The following ZMPSTE24 variants were observed in gnomAD, a reference collection of about 807,000 sequenced individuals.
The protein encoded by ZMPSTE24 is zinc metallopeptidase STE24, also known as CAAX prenyl protease 1 homolog.
ZMPSTE24 carries 48 observed loss-of-function variants against 56.7 expected under a neutral mutation model. The observed-to-expected ratio is 0.85, with a 90% confidence interval of 0.67 to 1.08. ZMPSTE24 has a LOEUF of 1.08. ZMPSTE24 is among the 50% of genes least tolerant of loss of function. The probability of loss-of-function intolerance (pLI) is 0.00; values close to 1 mark genes in which losing one functional copy is unlikely to be tolerated. For missense variants in ZMPSTE24, 503 were observed against 548.7 expected (o/e 0.92, Z 0.83); for synonymous variants, 172 against 195.2 (o/e 0.88, Z 0.99).
Position 40,258,538 on chromosome 1 carries a change from G to C in ZMPSTE24, c.123+144G>C, listed in dbSNP as rs1198840875. 6.9e-6 allele frequency: 10 copies of C among 1,441,194 alleles called. No homozygotes were observed. The East Asian group carries it at 1.9e-4, about 28-fold the overall frequency. The allele number at this position is 1,441,194 out of a possible 1,614,324, so 89.3% of individuals were successfully genotyped here. A position where few individuals can be genotyped will look rare whatever the true frequency, so the allele number is the denominator to read the frequency against. On this transcript the variant is annotated intron_variant, in intron 1 of 9. Transcript: ENST00000372759. ...CCTGCTGAGTCTCGTAACTTGGCCCGATGGCGGACTGTGGCTTTGAGGAGG... is the reference window on the plus strand; with the variant it reads ...CCTGCTGAGTCTCGTAACTTGGCCCCATGGCGGACTGTGGCTTTGAGGAGG...
At chr1:40,265,408 G>A (rs1643538855) in intron 2 of ZMPSTE24, among the ~76,000 whole-genome samples, 1 of 152,142 alleles carries the variant, frequency 6.6e-6, no homozygotes, top group Non-Finnish European at 1.5e-5. Context: ...AGTGTTAGGG[G>A]AGCCTTTTGA....
intron 9 of ZMPSTE24, 76 bp from the exon 10 acceptor site, chr1:40,292,367 TAC>T: frequency 7.1e-7 from 1 of 1,414,736 alleles, no homozygotes; most frequent in Non-Finnish European, 1.0e-6. Flanking sequence ...CAAACTTCTC[TAC>T]AGTCTCAGCT....
In ZMPSTE24 at chr1:40,288,430, C is replaced by T. The variant is rs374563033; in HGVS notation, c.1059+2401C>T. 7.9e-5 allele frequency among the ~76,000 whole-genome samples: 12 copies of T among 152,332 alleles called. 1 individual carries two copies. Among genetic ancestry groups the T allele is most frequent in the East Asian group, 3.9e-4 (2 of 5,184 alleles). ...GGGTTCCAATGGAATCAGCCTACCACAAGGTGGCTAAATGGTCCCTGAGAT... is the reference window on the plus strand; with the variant it reads ...GGGTTCCAATGGAATCAGCCTACCATAAGGTGGCTAAATGGTCCCTGAGAT... On this transcript the variant is annotated intron_variant, in intron 8 of 9. Transcript: ENST00000372759.
In ZMPSTE24 at chr1:40,271,949, C is replaced by G. The variant is rs751085566; in HGVS notation, c.683C>G (p.Pro228Arg). Residue 228 changes from proline to arginine, a missense_variant, in exon 6 of 10, where the codon CCT becomes CGT. Physicochemically the swap from Pro to Arg is moderately radical, Grantham distance 103. Transcript: ENST00000372759. ...YIAPLFDKFT[P>R]LPEGKLKEEI... ...GCCCCTTTATTTGACAAATTCACACCTCTGCCTGAGGGAAAGCTTAAAGAA... is the reference window on the plus strand; with the variant it reads ...GCCCCTTTATTTGACAAATTCACACGTCTGCCTGAGGGAAAGCTTAAAGAA... 1 of 1,613,626 alleles carries G rather than the reference C, an allele frequency of 6.2e-7. No individual in the cohort carries two copies. Among genetic ancestry groups the G allele is most frequent in the Non-Finnish European group, 8.5e-7 (1 of 1,179,724 alleles).
At chr1:40,266,846 C>T (rs1643554439) in intron 2 of ZMPSTE24, among the ~76,000 whole-genome samples, 1 of 142,968 alleles carries the variant, frequency 7.0e-6, no homozygotes, top group Admixed American at 7.3e-5. Context: ...TGGCCCACTG[C>T]AGCCTCGACA....
intron 7 of ZMPSTE24, among the ~76,000 whole-genome samples, chr1:40,283,171 C>G (rs1444340058): frequency 5.3e-5 from 8 of 151,992 alleles, no homozygotes; most frequent in Admixed American, 5.2e-4. Context: ...AAAGAATAAC[C>G]CAGTGATAAC....
chr1:40,285,844 C>A lies in ZMPSTE24; in HGVS notation c.955-81C>A, dbSNP rs1413015725. On this transcript the variant is annotated intron_variant, in intron 7 of 9. Coordinates refer to ENST00000372759, the MANE Select transcript of ZMPSTE24 (RefSeq NM_005857.5). The stretch of plus-strand genomic sequence containing the variant: ...ACTGATTATTTCTTTAAGTTAAAAT[C>A]TATGAAGGGCTATTACTGGGTTAAA... 6.3e-6 allele frequency: 7 copies of A among 1,102,646 alleles called. No individual in the cohort carries two copies. The East Asian group carries it at 1.8e-4, about 29-fold the overall frequency. 68.3% of individuals were successfully genotyped at this position (1,102,646 alleles called of 1,614,324 possible).
At chr1:40,258,575 T>C (rs1348590250) in intron 1 of ZMPSTE24, among the ~76,000 whole-genome samples, 181 bp downstream of exon 1, 1 of 152,018 alleles carries the variant, frequency 6.6e-6, no homozygotes, top group Non-Finnish European at 1.5e-5. Flanking sequence ...TCTTGGTGCG[T>C]CAAGGAAGTT....
chr1:40,281,931 TGTAG>T (rs1643734404), intron 7 of ZMPSTE24, among the ~76,000 whole-genome samples: 1 of 152,158 alleles, frequency 6.6e-6, no homozygotes. Context: ...AGACAGTAAT[TGTAG>T]GCTTTGGCAA....
intron 6 of ZMPSTE24, among the ~76,000 whole-genome samples, chr1:40,276,217 A>G (rs1356174825): frequency 6.6e-6 from 1 of 152,244 alleles, no homozygotes; most frequent in Non-Finnish European, 1.5e-5. Flanking sequence ...ATCCCTGTGG[A>G]GATGTCAGAC....
intron 6 of ZMPSTE24, among the ~76,000 whole-genome samples, chr1:40,275,997 C>G (rs1183880165): frequency 6.6e-6 from 1 of 152,148 alleles, no homozygotes; most frequent in African/African-American, 2.4e-5. Flanking sequence ...TATTCAGAAT[C>G]CCTAAGGGGC....
rs372888317 is a variant in ZMPSTE24, at chr1:40,265,970, A to G, written c.271-1816A>G. 7.9e-5 allele frequency among the ~76,000 whole-genome samples: 12 copies of G among 152,330 alleles called. 1 individual carries two copies. The highest frequency in any genetic ancestry group is 3.9e-4 in the East Asian group (2 of 5,190). ...GGTGAGATTGTGGGAAAACAGAAAC[A>G]CTGGAGTACTGCTGATGGGAGTGTA... On this transcript the variant is annotated intron_variant, in intron 2 of 9. Transcript: ENST00000372759.
rs1643461782 is a variant in ZMPSTE24 at position 40,258,515 on chromosome 1, T to C, written c.123+121T>C. 7 of 1,551,068 alleles carry C rather than the reference T, an allele frequency of 4.5e-6. No individual in the cohort carries two copies. The East Asian group carries it at 1.4e-4, about 30-fold the overall frequency. ...GCGCCAGTCTCGTCTTTGTGGTCCCTGCTGAGTCTCGTAACTTGGCCCGAT... is the reference window on the plus strand; with the variant it reads ...GCGCCAGTCTCGTCTTTGTGGTCCCCGCTGAGTCTCGTAACTTGGCCCGAT... On this transcript the variant is annotated intron_variant, in intron 1 of 9. Transcript: ENST00000372759.
intron 2 of ZMPSTE24, 92 bp downstream of exon 2, chr1:40,261,077 C>T (rs747564344): frequency 5.0e-5 from 74 of 1,478,514 alleles, no homozygotes; most frequent in Admixed American, 1.8e-4. Flanking sequence ...ACTTACAAGT[C>T]CCAGAATGCT....
chr1:40,282,006 G>A (rs1643735470), intron 7 of ZMPSTE24, among the ~76,000 whole-genome samples: 1 of 152,150 alleles, frequency 6.6e-6, no homozygotes, highest in African/African-American at 2.4e-5. Context: ...CCTTGGATAC[G>A]TTGTGTAATT....
intron 2 of ZMPSTE24, among the ~76,000 whole-genome samples, chr1:40,267,417 T>G (rs572321766): frequency 6.6e-6 from 1 of 151,634 alleles, no homozygotes; most frequent in South Asian, 2.1e-4. Context: ...CTTGCTGGAG[T>G]GCAGTGTCAC....
Position 40,267,861 on chromosome 1 carries a change from C to T in ZMPSTE24, c.346C>T (p.Pro116Ser). The change falls in exon 3 of 10, where the codon CCA becomes TCA. Residue 116 changes from proline to serine, a missense_variant. Coordinates refer to ENST00000372759, the MANE Select transcript of ZMPSTE24 (RefSeq NM_005857.5). ...GTTCTGTGGTTATGCTGGCTTTGGA[C>T]CAGAATATGAGGTATGTGATTCATT... ...GRFCGYAGFG[P>S]EYEITQSLVF... is the part of the protein sequence containing the mutation. 6.2e-7 allele frequency: 1 copy of T among 1,612,342 alleles called. No individual in the cohort carries two copies. The highest frequency in any genetic ancestry group is 2.2e-5 in the East Asian group (1 of 44,848).
At chr1:40,274,685 G>A (rs1643651074) in intron 6 of ZMPSTE24, among the ~76,000 whole-genome samples, 1 of 152,156 alleles carries the variant, frequency 6.6e-6, no homozygotes. Flanking sequence ...GCCATTGAAG[G>A]CTTAGACAGG....
intron 9 of ZMPSTE24, 106 bp downstream of exon 9, chr1:40,291,103 T>A: frequency 7.0e-7 from 1 of 1,438,170 alleles, no homozygotes; most frequent in Non-Finnish European, 9.5e-7. Flanking sequence ...TTTTAACAAA[T>A]AGATGAAACA....
Sources: gnomAD v4.1 joint callset for allele counts (sites outside exome capture counted in the v4.1 genomes callset) on GRCh38, gnomAD v4.1.1 for gene constraint, MANE v1.5 for transcripts, NCBI Gene and HGNC (gene_info 2026-07-23, HGNC 2026-07-21) for gene names.